Variants in EIF4G1 observed in about 807,000 individuals in gnomAD.
The protein encoded by EIF4G1 is eukaryotic translation initiation factor 4 gamma 1.
In EIF4G1, 4 loss-of-function variants were observed where a neutral mutation model predicts 187.8. That is an observed-to-expected ratio of 0.02 (90% CI 0.01 to 0.05). EIF4G1 has a LOEUF of 0.05. Among genes scored for constraint, EIF4G1 ranks in the 10% least tolerant of loss-of-function variants. EIF4G1 has a pLI of 1.00. For synonymous variants in EIF4G1, 844 were observed against 781.4 expected, an observed-to-expected ratio of 1.08 and a Z score of -1.34; for missense variants, 1,647 against 2,081.1, an observed-to-expected ratio of 0.79 and a Z score of 4.06.
chr3:184,324,434 G>A (rs1724466630), intron 17 of EIF4G1, 87 bp downstream of exon 17: 15 of 1,592,102 alleles, frequency 9.4e-6, no homozygotes, highest in Non-Finnish European at 1.3e-5. Flanking sequence ...TTGGAATGGA[G>A]GTAGTGGTGT....
chr3:184,325,063 T>C lies in EIF4G1; in HGVS notation c.2805T>C (p.Leu935=). The C allele has an allele frequency of 6.2e-7, 1 of 1,614,170 alleles. No homozygotes were observed. The highest frequency in any genetic ancestry group is 8.5e-7 in the Non-Finnish European group (1 of 1,180,028). The change falls in exon 18 of 33, where the codon CTT becomes CTC. Residue 935 remains leucine (L), a synonymous_variant. Coordinates refer to ENST00000346169, the MANE Select transcript of EIF4G1 (RefSeq NM_198241.3). The surrounding 1 kb of genome is among the most constrained non-coding windows in gnomAD (Gnocchi z 5.2). ...ATGATGAAGAGTCCCTTGAGTGCCT[T>C]TGTCGTCTGCTCACCACCATTGGCA... ...KNHDEESLEC[L]CRLLTTIGKD...
intron 4 of EIF4G1, chr3:184,316,683 C>G (rs1169901309): frequency 1.3e-6 from 2 of 1,589,382 alleles, no homozygotes; most frequent in Non-Finnish European, 1.7e-6. Flanking sequence ...GGGGGTAATT[C>G]TCTTCTTTCC....
chr3:184,318,721 C>G (rs1169549590), intron 6 of EIF4G1, among the ~76,000 whole-genome samples: 1 of 152,148 alleles, frequency 6.6e-6, no homozygotes, highest in East Asian at 1.9e-4. Context: ...TCTCCTGCCT[C>G]AGCCTCCCGA....
Position 184,321,373 on chromosome 3 carries a change from T to G in EIF4G1, c.789T>G (p.Ser263=), listed in dbSNP as rs1560212811. 6.2e-7 allele frequency: 1 copy of G among 1,614,118 alleles called. No homozygotes were observed. Among genetic ancestry groups the G allele is most frequent in the East Asian group, 2.2e-5 (1 of 44,884 alleles). The change falls in exon 10 of 33, where the codon TCT becomes TCG. Residue 263 remains serine (S), a synonymous_variant. Transcript: ENST00000346169. ...SPSESQPSSP[S]PTPSPSPVLE... Reference sequence around the variant, plus strand: ...CAGAATCCCAGCCTTCGTCGCCTTCTCCGACCCCATCACCATCCCCAGTCT... The same window carrying G: ...CAGAATCCCAGCCTTCGTCGCCTTCGCCGACCCCATCACCATCCCCAGTCT...
intron 1 of EIF4G1, chr3:184,315,202 G>A (rs1159745350): frequency 1.4e-5 from 5 of 356,796 alleles, no homozygotes; most frequent in Middle Eastern, 1.0e-3. Flanking sequence ...GCCGCCGCCC[G>A]CCTGGCCTTT....
At chr3:184,329,488 G>A (rs747958971) in intron 28 of EIF4G1, among the ~76,000 whole-genome samples, 5 of 152,082 alleles carry the variant, frequency 3.3e-5, no homozygotes, top group Admixed American at 6.6e-5. Context: ...AAAATTAGCC[G>A]TGTTGTGGCA....
In EIF4G1 at chr3:184,331,527, C is replaced by T; in HGVS notation, c.4316C>T (p.Pro1439Leu). ...ESEAPGQRAL[P>L]SEELNRQLEK... ...GAAGCCCCTGGCCAGAGGGCACTCC[C>T]CTCCGAGGAGCTGAACAGGCAGCTG... The change falls in exon 30 of 33, where the codon CCC (proline) becomes CTC (leucine). Residue 1439 changes from proline to leucine, a missense_variant. Pro to Leu is a moderately conservative substitution (Grantham distance 98). Coordinates refer to ENST00000346169, the MANE Select transcript of EIF4G1 (RefSeq NM_198241.3). The T allele has an allele frequency of 6.2e-7, 1 of 1,614,162 alleles. No homozygotes were observed. The highest frequency in any genetic ancestry group is 8.5e-7 in the Non-Finnish European group (1 of 1,180,032).
At chr3:184,333,026 G>GA (rs1279347103) in intron 32 of EIF4G1, among the ~76,000 whole-genome samples, 1 of 152,206 alleles carries the variant, frequency 6.6e-6, no homozygotes, top group African/African-American at 2.4e-5. Context: ...GGAATGGGGT[G>GA]AGAGTGGATG....
At chr3:184,318,025 CTT>C (rs949893536) in intron 6 of EIF4G1, among the ~76,000 whole-genome samples, 30 of 152,302 alleles carry the variant, frequency 2.0e-4, no homozygotes, top group African/African-American at 7.2e-4. Context: ...AGTTAAGAGT[CTT>C]TCCCACATCA....
rs141379472 is a variant in EIF4G1 at position 184,331,762 on chromosome 3, C to T, written c.4430C>T (p.Thr1477Met). The T allele has an allele frequency of 1.9e-4, 313 of 1,614,150 alleles. No individual in the cohort carries two copies. The highest frequency in any genetic ancestry group is 3.3e-4 in the Admixed American group (20 of 60,020). ...AGTGAGCAGCAGATAGTATCCAACA[C>T]GTTAGTTCGAGCCCTCATGACGGCT... Reference protein sequence around the residue: ...NLSEQQIVSNTLVRALMTAVC... With the variant: ...NLSEQQIVSNMLVRALMTAVC... The change falls in exon 31 of 33, where the codon ACG (threonine) becomes ATG (methionine). Residue 1477 changes from threonine to methionine, a missense_variant. Physicochemically the swap from Thr to Met is moderately conservative, Grantham distance 81. Around this residue, in one of 11 missense-constraint regions of EIF4G1, gnomAD observed 543 missense variants for 638.0 expected, o/e 0.85. Coordinates refer to ENST00000346169, the MANE Select transcript of EIF4G1 (RefSeq NM_198241.3).
chr3:184,333,234 T>C (rs1032795040), intron 32 of EIF4G1, among the ~76,000 whole-genome samples: 1 of 152,206 alleles, frequency 6.6e-6, no homozygotes, highest in African/African-American at 2.4e-5. Flanking sequence ...TAGTGTGATG[T>C]CATTTGCTGG....
chr3:184,325,451 T>C lies in EIF4G1; in HGVS notation c.2962-29T>C, dbSNP rs1415262700. The C allele has an allele frequency of 1.9e-6, 3 of 1,614,042 alleles. No individual in the cohort carries two copies. The highest frequency in any genetic ancestry group is 2.5e-6 in the Non-Finnish European group (3 of 1,180,038). ...CTGCCTTGTCTTGCCTTCCCTGACA[T>C]CATCGTGACTGGCCCTCTGTCTCCA... On this transcript the variant is annotated intron_variant, in intron 19 of 32. Transcript: ENST00000346169. This position sits in a 1 kb window ranked among gnomAD's most constrained non-coding sequence, Gnocchi z 5.2.
At position 184,322,929 on chromosome 3, in the gene EIF4G1, A is replaced by G. The variant is rs781077577; in HGVS notation, c.1904A>G (p.His635Arg). Residue 635 changes from histidine to arginine, a missense_variant, in exon 13 of 33, where the codon CAT (histidine) becomes CGT (arginine). Around this residue, in one of 11 missense-constraint regions of EIF4G1, gnomAD observed 140 missense variants for 222.2 expected, o/e 0.63. Coordinates refer to ENST00000346169, the MANE Select transcript of EIF4G1 (RefSeq NM_198241.3). Reference protein sequence around the residue: ...ASMQKPEGLPHISDVVLDKAN... With the variant: ...ASMQKPEGLPRISDVVLDKAN... ...ATGCAGAAGCCAGAGGGATTGCCAC[A>G]TATCAGTGACGTGGTGCTGGACAAG... is the stretch of plus-strand genomic sequence containing the variant. 21 of 1,614,088 alleles carry G rather than the reference A, an allele frequency of 1.3e-5. No homozygotes were observed. The highest frequency in any genetic ancestry group is 1.6e-4 in the Middle Eastern group (1 of 6,084).
intron 21 of EIF4G1, among the ~76,000 whole-genome samples, 160 bp downstream of exon 21, chr3:184,326,111 C>G (rs1421386727): frequency 6.6e-6 from 1 of 150,862 alleles, no homozygotes; most frequent in East Asian, 1.9e-4. Flanking sequence ...GGTGGTACTC[C>G]CATTAGTCTG....
chr3:184,319,162 C>A (rs919892502), intron 6 of EIF4G1: 1 of 153,368 alleles, frequency 6.5e-6, no homozygotes, highest in African/African-American at 2.4e-5. Flanking sequence ...CATCTTGAGC[C>A]TAGTTCATAA....
chr3:184,327,212 C>G lies in EIF4G1; in HGVS notation c.3429-4C>G. ...GAGTGAAAATTTGTCTGTCTGTCTTCCAGGAGTAGCTTGAGCCGAGAACGA... is the reference window on the plus strand; with the variant it reads ...GAGTGAAAATTTGTCTGTCTGTCTTGCAGGAGTAGCTTGAGCCGAGAACGA... On this transcript the variant is annotated splice_polypyrimidine_tract_variant and splice_region_variant and intron_variant, in intron 23 of 32. Transcript: ENST00000346169. The G allele has an allele frequency of 6.2e-7, 1 of 1,612,526 alleles. No homozygotes were observed. Among genetic ancestry groups the G allele is most frequent in the Non-Finnish European group, 8.5e-7 (1 of 1,180,044 alleles).
intron 7 of EIF4G1, 130 bp from the exon 8 acceptor site, chr3:184,320,500 G>A (rs965079011): frequency 6.4e-7 from 1 of 1,560,230 alleles, no homozygotes; most frequent in African/African-American, 1.4e-5. Context: ...GGAACTCAAG[G>A]GGTTTCTGGC....
At chr3:184,317,920 T>C in intron 6 of EIF4G1, 104 bp downstream of exon 6, 1 of 861,000 alleles carries the variant, frequency 1.2e-6, no homozygotes, top group Non-Finnish European at 1.9e-6. Context: ...TGGCTTCTGG[T>C]CTAAAAATGA....
At chr3:184,318,749 C>A (rs796628406) in intron 6 of EIF4G1, among the ~76,000 whole-genome samples, 16 of 151,726 alleles carry the variant, frequency 1.1e-4, no homozygotes, top group African/African-American at 3.9e-4. Flanking sequence ...GGATTACAGG[C>A]GTGTGCCACC....
Sources: gnomAD v4.1 joint callset for allele counts (sites outside exome capture counted in the v4.1 genomes callset) on GRCh38, gnomAD v4.1.1 for gene constraint, gnomAD v4.1.1 regional missense constraint, Gnocchi (gnomAD v3.1) non-coding constraint, MANE v1.5 for transcripts, NCBI Gene and HGNC (gene_info 2026-07-23, HGNC 2026-07-21) for gene names.